SP1: variants seen among roughly 807,000 people sequenced by gnomAD.
SP1 encodes the protein transcription factor Sp1.
In SP1, 6 loss-of-function variants were observed where a neutral mutation model predicts 66.3. The observed-to-expected ratio is 0.09, with a 90% CI of 0.05 to 0.18. SP1 has a LOEUF of 0.18. Among genes scored for constraint, SP1 ranks in the 10% least tolerant of loss-of-function variants. The pLI, the probability that SP1 is intolerant of heterozygous loss-of-function variation, is 1.00. For synonymous variants in SP1, 417 were observed against 360.8 expected, an observed-to-expected ratio of 1.16 and a Z score of -1.77; for missense variants, 848 against 964.5, an observed-to-expected ratio of 0.88 and a Z score of 1.60.
chr12:53,391,281 A>G (rs1938344521), intron 3 of SP1, among the ~76,000 whole-genome samples: 3 of 151,014 alleles, frequency 2.0e-5, no homozygotes, highest in Non-Finnish European at 2.9e-5. Flanking sequence ...TATTGTTAAT[A>G]CTGTGTTAGA....
rs542252844 is a variant in SP1 at position 53,387,137 on chromosome 12, G to A, written c.1675+3515G>A. On this transcript the variant is annotated intron_variant, in intron 3 of 5. Coordinates refer to ENST00000327443, the MANE Select transcript of SP1 (RefSeq NM_138473.3). Reference sequence around the variant, plus strand: ...ATTAATTTTTTGTATTTTTTTAGTAGCGATTGGATTTCACTGTGCTGGTCA... The same window carrying A: ...ATTAATTTTTTGTATTTTTTTAGTAACGATTGGATTTCACTGTGCTGGTCA... Among the ~76,000 whole-genome samples, 362 of 151,816 alleles carry A rather than the reference G, an allele frequency of 2.4e-3. 3 individuals carry two copies. Among genetic ancestry groups the A allele is most frequent in the African/African-American group, 8.4e-3 (349 of 41,410 alleles).
intron 3 of SP1, among the ~76,000 whole-genome samples, chr12:53,404,855 C>T (rs901390051): frequency 7.3e-5 from 11 of 151,342 alleles, no homozygotes; most frequent in South Asian, 2.1e-4. Flanking sequence ...TATTATTTGG[C>T]GACGAAGTCT....
chr12:53,383,698 AAT>A, intron 3 of SP1, 76 bp downstream of exon 3: 1 of 1,193,484 alleles, frequency 8.4e-7, no homozygotes, highest in Non-Finnish European at 1.2e-6. Context: ...TAAAGAAAGG[AAT>A]AGAGCCTTTT....
At chr12:53,402,571 G>T (rs1938632300) in intron 3 of SP1, among the ~76,000 whole-genome samples, 1 of 151,826 alleles carries the variant, frequency 6.6e-6, no homozygotes, top group Non-Finnish European at 1.5e-5. Context: ...GGGCAAGGTG[G>T]CTCAGGCTGG....
Position 53,382,816 on chromosome 12 carries a change from G to T in SP1, c.869G>T (p.Gly290Val). The change falls in exon 3 of 6, where the codon GGG becomes GTG. Residue 290 changes from glycine to valine, a missense_variant. This residue lies in a region of SP1 where 606 missense variants were observed against 589.9 expected (regional missense o/e 1.03). Transcript: ENST00000327443. Reference sequence around the variant, plus strand: ...CAGGCAGTCACGATCAGCAGCTCTGGGTCCCAGGAGAGTGGCTCACAGCCT... The same window carrying T: ...CAGGCAGTCACGATCAGCAGCTCTGTGTCCCAGGAGAGTGGCTCACAGCCT... The part of the protein sequence containing the change: ...SSQAVTISSS[G>V]SQESGSQPVT... 1 of 1,614,120 alleles carries T rather than the reference G, an allele frequency of 6.2e-7. No homozygotes were observed.
rs899120545 is a variant in SP1 at position 53,415,716 on chromosome 12, C to T, written c.*4476C>T. ...AGTGAGGATTTTGTTGATACCTCTG[C>T]TGGGATGTGTGCTTTCCCATATCTT... is the stretch of plus-strand genomic sequence containing the variant. On this transcript the variant is annotated 3_prime_UTR_variant, in exon 6 of 6. Transcript: ENST00000327443. 1 of 152,250 alleles carries T rather than the reference C, an allele frequency of 6.6e-6. No individual in the cohort carries two copies. Among genetic ancestry groups the T allele is most frequent in the Non-Finnish European group, 1.5e-5 (1 of 68,018 alleles). The allele number at this position is 152,250 out of a possible 1,614,324, so 9.4% of individuals were successfully genotyped here.
intron 3 of SP1, among the ~76,000 whole-genome samples, chr12:53,389,976 C>G (rs1032798982): frequency 2.0e-5 from 3 of 152,162 alleles, no homozygotes; most frequent in Non-Finnish European, 4.4e-5. Flanking sequence ...AAAATGTCTT[C>G]TCTTAGAAGT....
In SP1 at chr12:53,401,457, G is replaced by GA. The variant is rs11367408; in HGVS notation, c.1676-5108dup. ...CAAGAGCAAGACTCCATCTATCTGG[G>GA]AAAAAAAAAAAAAAAAAAAAGCTTT... On this transcript the variant is annotated intron_variant, in intron 3 of 5. Coordinates refer to ENST00000327443, the MANE Select transcript of SP1 (RefSeq NM_138473.3). 6.7e-3 allele frequency among the ~76,000 whole-genome samples: 541 copies of GA among 80,736 alleles called. 1 individual carries two copies. Among genetic ancestry groups the GA allele is most frequent in the East Asian group, 0.01 (27 of 2,658 alleles). The allele number at this position is 80,736 out of a possible 152,430, so 53.0% of individuals were successfully genotyped here. A position where few individuals can be genotyped will look rare whatever the true frequency, so the allele number is the denominator to read the frequency against.
chr12:53,401,188 G>A (rs774034025), intron 3 of SP1, among the ~76,000 whole-genome samples: 9 of 151,762 alleles, frequency 5.9e-5, no homozygotes, highest in Admixed American at 1.3e-4. Flanking sequence ...ACGGTGGCAC[G>A]TGCCGTAATC....
At position 53,416,206 on chromosome 12, in the gene SP1, T is replaced by G. The variant is rs570360698; in HGVS notation, c.*4966T>G. Reference sequence around the variant, plus strand: ...TGTGTGGGTAAATGCTTTTAAATGCTCTCTCATCTTGTTCTTCCCCCTCAC... The same window carrying G: ...TGTGTGGGTAAATGCTTTTAAATGCGCTCTCATCTTGTTCTTCCCCCTCAC... On this transcript the variant is annotated 3_prime_UTR_variant, in exon 6 of 6. Coordinates refer to ENST00000327443, the MANE Select transcript of SP1 (RefSeq NM_138473.3). The G allele has an allele frequency of 1.6e-4, 25 of 153,308 alleles. No individual in the cohort carries two copies. The highest frequency in any genetic ancestry group is 5.1e-4 in the African/African-American group (21 of 41,554). The allele number at this position is 153,308 out of a possible 1,614,324, so 9.5% of individuals were successfully genotyped here.
At chr12:53,402,074 G>A (rs751892403) in intron 3 of SP1, among the ~76,000 whole-genome samples, 3 of 152,140 alleles carry the variant, frequency 2.0e-5, no homozygotes, top group Non-Finnish European at 4.4e-5. Flanking sequence ...TCAAATGGTT[G>A]TGAAAGGACT....
In SP1 at chr12:53,410,591, G is replaced by A. The variant is rs529591293; in HGVS notation, c.2045-336G>A. On this transcript the variant is annotated intron_variant, in intron 5 of 5. Coordinates refer to ENST00000327443, the MANE Select transcript of SP1 (RefSeq NM_138473.3). Reference sequence around the variant, plus strand: ...GCGATCTCGGCTCACTGCAAGCTCCGCCTCCCGGGTCCACGCCATTCTCCT... The same window carrying A: ...GCGATCTCGGCTCACTGCAAGCTCCACCTCCCGGGTCCACGCCATTCTCCT... 2.3e-3 allele frequency among the ~76,000 whole-genome samples: 353 copies of A among 151,502 alleles called. 1 individual carries two copies. The highest frequency in any genetic ancestry group is 8.2e-3 in the African/African-American group (337 of 41,320).
At chr12:53,401,538 TGA>T (rs1938611530) in intron 3 of SP1, among the ~76,000 whole-genome samples, 1 of 152,018 alleles carries the variant, frequency 6.6e-6, no homozygotes, top group Admixed American at 6.6e-5. Flanking sequence ...CAAGACATAT[TGA>T]GATGTAAACT....
At chr12:53,389,523 T>C (rs1159460629) in intron 3 of SP1, among the ~76,000 whole-genome samples, 2 of 151,944 alleles carry the variant, frequency 1.3e-5, no homozygotes, top group Non-Finnish European at 2.9e-5. Context: ...ATTTTTGCAT[T>C]TTTAGTAGAG....
intron 3 of SP1, among the ~76,000 whole-genome samples, chr12:53,392,913 C>T (rs977743274): frequency 6.6e-6 from 1 of 152,126 alleles, no homozygotes; most frequent in African/African-American, 2.4e-5. Flanking sequence ...CAACCTCCAC[C>T]TCTCGGGTTC....
At chr12:53,391,063 G>C (rs957738261) in intron 3 of SP1, among the ~76,000 whole-genome samples, 4 of 151,950 alleles carry the variant, frequency 2.6e-5, no homozygotes, top group Non-Finnish European at 5.9e-5. Flanking sequence ...GTTACTTTTT[G>C]GGTGTCTGTC....
intron 3 of SP1, among the ~76,000 whole-genome samples, chr12:53,399,094 A>G (rs528848689): frequency 6.6e-6 from 1 of 152,326 alleles, no homozygotes; most frequent in Admixed American, 6.5e-5. Context: ...TGCATCATTT[A>G]AAATGATTTT....
chr12:53,382,184 C>A lies in SP1; in HGVS notation c.237C>A (p.Asn79Lys). 1 of 1,614,172 alleles carries A rather than the reference C, an allele frequency of 6.2e-7. No individual in the cohort carries two copies. The highest frequency in any genetic ancestry group is 8.5e-7 in the Non-Finnish European group (1 of 1,180,028). Residue 79 changes from asparagine to lysine, a missense_variant, in exon 3 of 6, where the codon AAC (asparagine) becomes AAA (lysine). This residue lies in a region of SP1 where 606 missense variants were observed against 589.9 expected (regional missense o/e 1.03). Coordinates refer to ENST00000327443, the MANE Select transcript of SP1 (RefSeq NM_138473.3). ...SRIESPNENS[N>K]NSQGPSQSGG... ...TTGAGTCACCCAATGAGAACAGCAACAACTCCCAGGGCCCGAGTCAGTCAG... is the reference window on the plus strand; with the variant it reads ...TTGAGTCACCCAATGAGAACAGCAAAAACTCCCAGGGCCCGAGTCAGTCAG...
At position 53,383,503 on chromosome 12, in the gene SP1, A is replaced by G; in HGVS notation, c.1556A>G (p.Asn519Ser). Residue 519 changes from asparagine (N) to serine (S), a missense_variant, in exon 3 of 6, where the codon AAT becomes AGT. Around this residue, in one of 7 missense-constraint regions of SP1, gnomAD observed 606 missense variants for 589.9 expected, o/e 1.03. Coordinates refer to ENST00000327443, the MANE Select transcript of SP1 (RefSeq NM_138473.3). Reference protein sequence around the residue: ...ASIPAGTVTVNAAQLSSMPGL... With the variant: ...ASIPAGTVTVSAAQLSSMPGL... The stretch of plus-strand genomic sequence containing the variant: ...ATTCCTGCTGGCACAGTCACTGTGA[A>G]TGCTGCTCAACTCTCCTCCATGCCA... 6.2e-7 allele frequency: 1 copy of G among 1,614,164 alleles called. No individual in the cohort carries two copies. The highest frequency in any genetic ancestry group is 8.5e-7 in the Non-Finnish European group (1 of 1,180,034).
Sources: allele counts gnomAD v4.1 joint callset (sites outside exome capture counted in the v4.1 genomes callset), GRCh38; gene constraint gnomAD v4.1.1; regional missense constraint gnomAD v4.1.1; transcripts MANE v1.5; gene names NCBI Gene and HGNC (gene_info 2026-07-23, HGNC 2026-07-21).